The following CALN1 variants were observed in gnomAD, a reference collection of about 807,000 sequenced individuals.
The protein encoded by CALN1 is calneuron 1.
In CALN1, 17 loss-of-function variants were observed where a neutral mutation model predicts 30.6. That is an observed-to-expected ratio of 0.56 (90% CI 0.38 to 0.83). CALN1 has a LOEUF of 0.83. Ranked by LOEUF, CALN1 falls within the 40% of genes least tolerant of loss-of-function variation. CALN1 has a pLI of 0.00. For missense variants in CALN1, 291 were observed against 354.9 expected, an observed-to-expected ratio of 0.82 and a Z score of 1.45; for synonymous variants, 156 against 131.4, an observed-to-expected ratio of 1.19 and a Z score of -1.28.
chr7:72,384,718 A>T (rs1242243538), intron 2 of CALN1, among the ~76,000 whole-genome samples: 1 of 152,198 alleles, frequency 6.6e-6, no homozygotes, highest in African/African-American at 2.4e-5. Context: ...CTTCTAGAAG[A>T]AAACACAGGA....
intron 3 of CALN1, among the ~76,000 whole-genome samples, chr7:72,245,811 G>A (rs1215746392): frequency 6.6e-6 from 1 of 152,100 alleles, no homozygotes; most frequent in Non-Finnish European, 1.5e-5. Flanking sequence ...AAACTCAAAA[G>A]ACCAGTTCTT....
intron 3 of CALN1, among the ~76,000 whole-genome samples, chr7:72,233,062 G>A: frequency 6.6e-6 from 1 of 151,922 alleles, no homozygotes; most frequent in East Asian, 1.9e-4. Flanking sequence ...AAAAGCTTTG[G>A]CTTTATTAAG....
chr7:72,343,524 G>A (rs113454915), intron 2 of CALN1, among the ~76,000 whole-genome samples: 5,142 of 149,384 alleles, frequency 0.034, 267 homozygotes, highest in African/African-American at 0.12. Flanking sequence ...TCCAGCATGG[G>A]TGACAGAGCG....
intron 5 of CALN1, among the ~76,000 whole-genome samples, chr7:71,872,679 T>C (rs556863510): frequency 6.6e-6 from 1 of 152,044 alleles, no homozygotes; most frequent in South Asian, 2.1e-4. Flanking sequence ...AGTGGTGTGA[T>C]CTCAGGTCAC....
chr7:72,431,592 A>G (rs1048827936), intron 1 of CALN1, among the ~76,000 whole-genome samples: 1 of 152,108 alleles, frequency 6.6e-6, no homozygotes, highest in African/African-American at 2.4e-5. Flanking sequence ...TAACCCCAGC[A>G]CTTTGGGGGG....
intron 5 of CALN1, among the ~76,000 whole-genome samples, chr7:71,878,485 G>A (rs1389925908): frequency 6.6e-6 from 1 of 152,090 alleles, no homozygotes; most frequent in African/African-American, 2.4e-5. Flanking sequence ...TGAGACAGCT[G>A]GTACAGGGCT....
At chr7:71,877,983 C>T (rs1792345897) in intron 5 of CALN1, among the ~76,000 whole-genome samples, 1 of 152,138 alleles carries the variant, frequency 6.6e-6, no homozygotes, top group African/African-American at 2.4e-5. Flanking sequence ...AAGACCAGGC[C>T]TCACCCAGAA....
At chr7:72,001,740 A>G (rs941123071) in intron 5 of CALN1, among the ~76,000 whole-genome samples, 5 of 152,168 alleles carry the variant, frequency 3.3e-5, no homozygotes, top group African/African-American at 7.2e-5. Flanking sequence ...CCCTTGGTTG[A>G]ATTCTTTCTT....
chr7:72,390,119 G>C (rs1805483372), intron 2 of CALN1, among the ~76,000 whole-genome samples: 1 of 151,936 alleles, frequency 6.6e-6, no homozygotes, highest in Non-Finnish European at 1.5e-5. Flanking sequence ...GAAAAAAGAA[G>C]CACTGGCTCT....
At chr7:72,481,496 T>C in the CALN1 span, among the ~76,000 whole-genome samples, 3 of 152,252 alleles carry the variant, frequency 2.0e-5, no homozygotes, top group Admixed American at 1.3e-4. Context: ...ATTATTCCTG[T>C]TTTTAAAAAC....
chr7:72,284,475 T>C (rs1040610708), intron 2 of CALN1, among the ~76,000 whole-genome samples: 1 of 151,506 alleles, frequency 6.6e-6, no homozygotes, highest in East Asian at 2.0e-4. Flanking sequence ...GGTTAACTTT[T>C]GAATTGGTAG....
At chr7:72,455,865 C>T in the CALN1 span, among the ~76,000 whole-genome samples, 1 of 152,096 alleles carries the variant, frequency 6.6e-6, no homozygotes, top group African/African-American at 2.4e-5. Flanking sequence ...GTGAACTTGA[C>T]AGTGAGGGAG....
chr7:72,075,579 T>C (rs1044392804), intron 4 of CALN1, among the ~76,000 whole-genome samples: 1 of 152,144 alleles, frequency 6.6e-6, no homozygotes, highest in Non-Finnish European at 1.5e-5. Context: ...GTAAACACTT[T>C]GTGGGAAATT....
the CALN1 span, among the ~76,000 whole-genome samples, chr7:72,456,088 G>A: frequency 6.6e-6 from 1 of 151,792 alleles, no homozygotes; most frequent in African/African-American, 2.4e-5. Context: ...GGAGGATGAG[G>A]CAAAAGAATC....
At chr7:71,922,314 A>C (rs1584516271) in intron 5 of CALN1, among the ~76,000 whole-genome samples, 1 of 152,060 alleles carries the variant, frequency 6.6e-6, no homozygotes, top group East Asian at 1.9e-4. Context: ...AGCAAGAATT[A>C]ACTGCCTCAT....
chr7:72,161,800 G>A (rs988407704), intron 3 of CALN1, among the ~76,000 whole-genome samples: 3 of 152,120 alleles, frequency 2.0e-5, no homozygotes, highest in Admixed American at 6.6e-5. Flanking sequence ...GAGAGCATCC[G>A]GAAGAATAGC....
intron 1 of CALN1, among the ~76,000 whole-genome samples, chr7:72,403,720 G>A (rs1806509140): frequency 6.6e-6 from 1 of 152,178 alleles, no homozygotes; most frequent in African/African-American, 2.4e-5. Flanking sequence ...TACCCCCGTG[G>A]GCATTGCTGG....
intron 3 of CALN1, among the ~76,000 whole-genome samples, chr7:72,163,565 AG>A (rs1487072654): frequency 6.6e-6 from 1 of 152,158 alleles, no homozygotes; most frequent in Non-Finnish European, 1.5e-5. Flanking sequence ...GACTAGATGG[AG>A]AACCTCTGCA....
At chr7:72,262,893 G>A (rs986584345) in intron 3 of CALN1, among the ~76,000 whole-genome samples, 3 of 152,234 alleles carry the variant, frequency 2.0e-5, no homozygotes, top group African/African-American at 7.2e-5. Flanking sequence ...AAGTGGGGGA[G>A]TAGGAAAGGT....
Sources: gnomAD v4.1 joint callset for allele counts (sites outside exome capture counted in the v4.1 genomes callset) on GRCh38, gnomAD v4.1.1 for gene constraint, MANE v1.5 for transcripts, NCBI Gene and HGNC (gene_info 2026-07-23, HGNC 2026-07-21) for gene names.